The following CCDC7 variants were observed in gnomAD, a reference collection of about 807,000 sequenced individuals.
CCDC7 encodes the protein coiled-coil domain containing 7, also known as coiled-coil domain-containing protein 7.
CCDC7 carries 183 observed loss-of-function variants against 196.9 expected under a neutral mutation model. The ratio of observed to expected loss-of-function variants is 0.93; its 90% CI spans 0.82 to 1.05. The LOEUF (loss-of-function observed/expected upper bound fraction) is 1.05. CCDC7 is among the 50% of genes least tolerant of loss of function. The pLI, the probability that CCDC7 is intolerant of heterozygous loss-of-function variation, is 0.00. For synonymous variants in CCDC7, 525 were observed against 484.6 expected (o/e 1.08, Z -1.10); for missense variants, 1,540 against 1,482.2 (o/e 1.04, Z -0.64).
intron 18 of CCDC7, among the ~76,000 whole-genome samples, chr10:32,620,604 A>G (rs2063307402): frequency 6.6e-6 from 1 of 151,664 alleles, no homozygotes; most frequent in African/African-American, 2.4e-5. Context: ...TACATATTTT[A>G]GTGAAAAGTA....
chr10:32,740,552 A>G (rs1338244488), intron 28 of CCDC7, among the ~76,000 whole-genome samples: 1 of 152,190 alleles, frequency 6.6e-6, no homozygotes, highest in African/African-American at 2.4e-5. Flanking sequence ...CTATGTGCAG[A>G]TTTTGGCATA....
intron 18 of CCDC7, among the ~76,000 whole-genome samples, chr10:32,599,040 C>T (rs747290862): frequency 2.6e-5 from 4 of 151,996 alleles, no homozygotes; most frequent in Admixed American, 6.6e-5. Context: ...TAGATCTGTC[C>T]GTTTCTCCCT....
chr10:32,871,394 G>A (rs1000082377), intron 41 of CCDC7, among the ~76,000 whole-genome samples: 59 of 152,218 alleles, frequency 3.9e-4, no homozygotes, highest in African/African-American at 1.4e-3. Flanking sequence ...GCGTAGAGGT[G>A]TTTATAGTAT....
chr10:32,524,516 T>G (rs2048366529), intron 11 of CCDC7, among the ~76,000 whole-genome samples: 1 of 152,220 alleles, frequency 6.6e-6, no homozygotes, highest in East Asian at 1.9e-4. Flanking sequence ...CTAACATCCT[T>G]TCCTTTCAGA....
chr10:32,485,913 C>T (rs1410925461), intron 8 of CCDC7, among the ~76,000 whole-genome samples: 1 of 152,148 alleles, frequency 6.6e-6, no homozygotes, highest in Non-Finnish European at 1.5e-5. Context: ...TGCTTTACTT[C>T]CAACTATGTG....
chr10:32,623,839 T>G (rs973006271), intron 18 of CCDC7: 2 of 466,560 alleles, frequency 4.3e-6, no homozygotes, highest in Admixed American at 4.7e-5. Context: ...AATGAGAGAG[T>G]AATGGGAGAG....
rs187566464 is a variant in CCDC7 at position 32,789,448 on chromosome 10, A to G, written c.3013+10364A>G. Among the ~76,000 whole-genome samples the G allele has an allele frequency of 8.1e-4, 124 of 152,288 alleles. 2 individuals carry two copies. The highest frequency in any genetic ancestry group is 8.1e-3 in the Admixed American group (124 of 15,298). ...CTAAAGAACTCAATGATTGAACTGG[A>G]AAATTCCATATTGCATTTCAATAGC... On this transcript the variant is annotated intron_variant, in intron 29 of 41. Transcript: ENST00000639629.
chr10:32,814,326 A>AAATGATTACCTTACAGTGTTT, intron 30 of CCDC7, 44 bp from the exon 32 acceptor site: 1 of 1,287,292 alleles, frequency 7.8e-7, no homozygotes, highest in Non-Finnish European at 1.1e-6. Flanking sequence ...ATTTGTGTAT[A>AAATGATTACCTTACAGTGTTT]AATGATTACC....
intron 41 of CCDC7, among the ~76,000 whole-genome samples, chr10:32,861,131 A>G (rs201114162): frequency 2.8e-4 from 41 of 148,752 alleles, no homozygotes; most frequent in Middle Eastern, 3.4e-3. Flanking sequence ...AAAAAAAAAA[A>G]AAAGAAAGCT....
chr10:32,625,056 T>G (rs2139275463), intron 18 of CCDC7, among the ~76,000 whole-genome samples: 1 of 151,136 alleles, frequency 6.6e-6, no homozygotes, highest in East Asian at 1.9e-4. Context: ...ATTTTTGCTT[T>G]TGTTGCCAGT....
rs201816065 is a variant in CCDC7 at position 32,633,728 on chromosome 10, G to A, written c.1802-526G>A. ...TGTGTGTGTGTGTGTGTGTGTGTGT[G>A]TGTATATATATGTGTGTGTGTGTGT... is the stretch of plus-strand genomic sequence containing the variant. On this transcript the variant is annotated intron_variant, in intron 18 of 41. Transcript: ENST00000639629. Among the ~76,000 whole-genome samples, 805 of 138,798 alleles carry A rather than the reference G, an allele frequency of 5.8e-3. 8 individuals are homozygous for A. The highest frequency in any genetic ancestry group is 0.02 in the African/African-American group (740 of 36,358). 91.1% of individuals were successfully genotyped at this position (138,798 alleles called of 152,430 possible). A position where few individuals can be genotyped will look rare whatever the true frequency, so the allele number is the denominator to read the frequency against.
upstream of CCDC7, among the ~76,000 whole-genome samples, chr10:32,451,232 G>T (rs2032981557): frequency 6.6e-6 from 1 of 152,120 alleles, no homozygotes; most frequent in African/African-American, 2.4e-5. Flanking sequence ...CTAGCTGTGT[G>T]ACTCTTGGTT....
intron 28 of CCDC7, among the ~76,000 whole-genome samples, chr10:32,740,866 T>G (rs1266244354): frequency 6.6e-6 from 1 of 152,016 alleles, no homozygotes; most frequent in Non-Finnish European, 1.5e-5. Flanking sequence ...TATCATTTCT[T>G]TTTCTTTCTT....
At chr10:32,477,969 C>G (rs1374608275) in intron 8 of CCDC7, among the ~76,000 whole-genome samples, 2 of 152,128 alleles carry the variant, frequency 1.3e-5, no homozygotes, top group African/African-American at 2.4e-5. Context: ...ATTCTATGAA[C>G]TTGAAATATC....
chr10:32,572,581 G>C (rs145259444), intron 16 of CCDC7, among the ~76,000 whole-genome samples: 2 of 152,182 alleles, frequency 1.3e-5, no homozygotes, highest in East Asian at 3.9e-4. Flanking sequence ...AATGTTTGTA[G>C]TGAATGTTTA....
intron 24 of CCDC7, among the ~76,000 whole-genome samples, chr10:32,709,322 G>C (rs956864288): frequency 8.4e-6 from 1 of 119,216 alleles, no homozygotes; most frequent in African/African-American, 3.2e-5. Flanking sequence ...GGCCTATCGT[G>C]GGTGGGGGGA....
intron 5 of CCDC7, 76 bp from the exon 7 acceptor site, chr10:32,470,988 G>T: frequency 7.5e-7 from 1 of 1,324,708 alleles, no homozygotes; most frequent in South Asian, 1.7e-5. Flanking sequence ...TTTAATAAAG[G>T]AGATAATGAA....
intron 20 of CCDC7, among the ~76,000 whole-genome samples, chr10:32,642,201 G>T (rs909625083): frequency 6.6e-6 from 1 of 152,198 alleles, no homozygotes; most frequent in Non-Finnish European, 1.5e-5. Flanking sequence ...ATTTAAGTCT[G>T]CAGAGGTTTC....
intron 3 of CCDC7, among the ~76,000 whole-genome samples, chr10:32,456,804 G>T (rs2034446403): frequency 6.6e-6 from 1 of 151,874 alleles, no homozygotes; most frequent in African/African-American, 2.4e-5. Context: ...TGGAATTGTT[G>T]CAATTGTCTT....
Sources: allele counts gnomAD v4.1 joint callset (sites outside exome capture counted in the v4.1 genomes callset), GRCh38; gene constraint gnomAD v4.1.1; transcripts MANE v1.5; gene names NCBI Gene and HGNC (gene_info 2026-07-23, HGNC 2026-07-21).